The following SMTNL2 variants were observed in gnomAD, a reference collection of about 807,000 sequenced individuals.
The protein encoded by SMTNL2 is smoothelin like 2, also known as smoothelin-like protein 2.
SMTNL2 carries 43 observed loss-of-function variants against 44.1 expected under a neutral mutation model. The ratio of observed to expected loss-of-function variants is 0.98; its 90% CI spans 0.76 to 1.26. SMTNL2 has a LOEUF of 1.26. Ranked by LOEUF, SMTNL2 falls within the 50% of genes most tolerant of loss-of-function variation. SMTNL2 has a pLI of 0.00. For synonymous variants in SMTNL2, 317 were observed against 287.6 expected (o/e 1.10, Z -1.03); for missense variants, 646 against 670.2 (o/e 0.96, Z 0.40).
chr17:4,607,596 C>T lies in SMTNL2; in HGVS notation c.*109C>T, dbSNP rs79281963. 1.4e-3 allele frequency: 2,097 copies of T among 1,514,830 alleles called. 28 individuals are homozygous for T. The African/African-American group carries it at 0.026, about 19-fold the overall frequency. 93.8% of individuals were successfully genotyped at this position (1,514,830 alleles called of 1,614,324 possible). On this transcript the variant is annotated 3_prime_UTR_variant, in exon 8 of 8. Transcript: ENST00000389313. This position sits in a 1 kb window ranked among gnomAD's most constrained non-coding sequence, Gnocchi z 4.7. Reference sequence around the variant, plus strand: ...GGAGCCTTGCCGTTTGGTGTGAGCGCGCTGTTTGTTCTGTGGCATGTGACG... The same window carrying T: ...GGAGCCTTGCCGTTTGGTGTGAGCGTGCTGTTTGTTCTGTGGCATGTGACG...
At chr17:4,604,115 G>A (rs1303266246) in intron 7 of SMTNL2, among the ~76,000 whole-genome samples, 3 of 152,162 alleles carry the variant, frequency 2.0e-5, no homozygotes, top group Admixed American at 2.0e-4. Context: ...AAAATGTTGG[G>A]ATGACAGGCA....
Position 4,592,920 on chromosome 17 carries a change from A to G in SMTNL2, c.488-9A>G, listed in dbSNP as rs1325342217. 3 of 1,606,180 alleles carry G rather than the reference A, an allele frequency of 1.9e-6. No individual in the cohort carries two copies. The highest frequency in any genetic ancestry group is 1.1e-5 in the South Asian group (1 of 90,514). ...CTGACCACCCACCCATGCTGGTCAC[A>G]TGTTCCAGGTCCAGGCGATGGACCC... On this transcript the variant is annotated splice_polypyrimidine_tract_variant and intron_variant, in intron 2 of 7. Coordinates refer to ENST00000389313, the MANE Select transcript of SMTNL2 (RefSeq NM_001114974.2). This position sits in a 1 kb window ranked among gnomAD's most constrained non-coding sequence, Gnocchi z 4.5.
intron 4 of SMTNL2, among the ~76,000 whole-genome samples, chr17:4,594,710 CT>C (rs200675954): frequency 0.22 from 32,330 of 145,162 alleles, 4,317 homozygotes; most frequent in East Asian, 0.58. Context: ...GCAGGCTTGG[CT>C]TTTTTTTTTT....
chr17:4,594,137 C>T (rs111660082), intron 4 of SMTNL2, among the ~76,000 whole-genome samples: 2 of 151,996 alleles, frequency 1.3e-5, no homozygotes, highest in Admixed American at 6.6e-5. Context: ...CTTTGTGGGA[C>T]CTTCAAGTCA....
At chr17:4,584,440 C>T, upstream of SMTNL2, 1 of 678,898 alleles carries the variant, frequency 1.5e-6, no homozygotes, top group Non-Finnish European at 2.0e-6. Context: ...AGGGGGGTGT[C>T]CCGGAGTCGT....
rs1300417206 is a variant in SMTNL2 at position 4,598,254 on chromosome 17, T to C, written c.1259+931T>C. Among the ~76,000 whole-genome samples the C allele has an allele frequency of 3.3e-5, 5 of 152,088 alleles. No homozygotes were observed. Among genetic ancestry groups the C allele is most frequent in the Admixed American group, 6.5e-5 (1 of 15,280 alleles). On this transcript the variant is annotated intron_variant, in intron 7 of 7. Transcript: ENST00000389313. This position sits in a 1 kb window ranked among gnomAD's most constrained non-coding sequence, Gnocchi z 4.8. ...CCTCCTGCCTCACGCCAGGGCCTCA[T>C]GGTGACTGAACCCAATCTGAAGACA...
chr17:4,597,950 G>T (rs1172105733), intron 7 of SMTNL2, among the ~76,000 whole-genome samples: 1 of 152,192 alleles, frequency 6.6e-6, no homozygotes, highest in Non-Finnish European at 1.5e-5. Flanking sequence ...GCAAAGTCAG[G>T]TCTGTCTGCC....
rs1235783622 is a variant in SMTNL2 at position 4,595,993 on chromosome 17, G to A, written c.989+666G>A. 5.5e-5 allele frequency among the ~76,000 whole-genome samples: 7 copies of A among 126,758 alleles called. No homozygotes were observed. The highest frequency in any genetic ancestry group is 4.1e-4 in the East Asian group (2 of 4,862). The allele number at this position is 126,758 out of a possible 152,430, so 83.2% of individuals were successfully genotyped here. ...GCTGTGTGCAGGGTGTGGCCCACGC[G>A]TGGTATTGATGCCTGCTGTGTGCAG... On this transcript the variant is annotated intron_variant, in intron 5 of 7. Coordinates refer to ENST00000389313, the MANE Select transcript of SMTNL2 (RefSeq NM_001114974.2). This position sits in a 1 kb window ranked among gnomAD's most constrained non-coding sequence, Gnocchi z 5.1.
In SMTNL2 at chr17:4,607,739, G is replaced by C. The variant is rs1045031098; in HGVS notation, c.*252G>C. On this transcript the variant is annotated 3_prime_UTR_variant, in exon 8 of 8. Coordinates refer to ENST00000389313, the MANE Select transcript of SMTNL2 (RefSeq NM_001114974.2). This position sits in a 1 kb window ranked among gnomAD's most constrained non-coding sequence, Gnocchi z 4.7. ...AAGGAAAAATTATGAGAGAGAGAGAGACATTGGTGCTAAGTAATGATCTTC... is the reference window on the plus strand; with the variant it reads ...AAGGAAAAATTATGAGAGAGAGAGACACATTGGTGCTAAGTAATGATCTTC... The C allele has an allele frequency of 8.2e-4, 315 of 384,696 alleles. No individual in the cohort carries two copies. The highest frequency in any genetic ancestry group is 2.1e-3 in the Middle Eastern group (3 of 1,408). 23.8% of individuals were successfully genotyped at this position (384,696 alleles called of 1,614,324 possible).
rs1909980741 is a variant in SMTNL2, at chr17:4,600,366, G to A, written c.1259+3043G>A. Among the ~76,000 whole-genome samples, 1 of 152,172 alleles carries A rather than the reference G, an allele frequency of 6.6e-6. No individual in the cohort carries two copies. Among genetic ancestry groups the A allele is most frequent in the Non-Finnish European group, 1.5e-5 (1 of 68,022 alleles). On this transcript the variant is annotated intron_variant, in intron 7 of 7. Coordinates refer to ENST00000389313, the MANE Select transcript of SMTNL2 (RefSeq NM_001114974.2). The surrounding 1 kb of genome is among the most constrained non-coding windows in gnomAD (Gnocchi z 4.7). The stretch of plus-strand genomic sequence containing the variant: ...ACCACAGAGCTAAGAAAGGCAGCCT[G>A]GGGGCAGGCAGGGTGGGATGAGAGG...
chr17:4,584,721 A>G lies in SMTNL2; in HGVS notation c.116A>G (p.Gln39Arg). The G allele has an allele frequency of 7.7e-7, 1 of 1,304,326 alleles. No individual in the cohort carries two copies. Among genetic ancestry groups the G allele is most frequent in the Non-Finnish European group, 9.7e-7 (1 of 1,030,488 alleles). The allele number at this position is 1,304,326 out of a possible 1,614,324, so 80.8% of individuals were successfully genotyped here. Residue 39 changes from glutamine to arginine, a missense_variant, in exon 1 of 8, where the codon CAG becomes CGG. By Grantham distance (43) the Gln-to-Arg change is conservative. Coordinates refer to ENST00000389313, the MANE Select transcript of SMTNL2 (RefSeq NM_001114974.2). ...RALHEDMRGL[Q>R]RGVERRVAEA... is the part of the protein sequence containing the mutation. Reference sequence around the variant, plus strand: ...CTGCACGAGGACATGCGGGGGCTGCAGCGCGGCGTGGAGCGGCGAGTGGCA... The same window carrying G: ...CTGCACGAGGACATGCGGGGGCTGCGGCGCGGCGTGGAGCGGCGAGTGGCA...
Position 4,584,849 on chromosome 17 carries a change from G to A in SMTNL2, c.244G>A (p.Glu82Lys), listed in dbSNP as rs538272125. 4,011 of 1,326,582 alleles carry A rather than the reference G, an allele frequency of 3.0e-3. 11 individuals carry two copies. The highest frequency in any genetic ancestry group is 3.4e-3 in the Non-Finnish European group (3,505 of 1,039,090). The allele number at this position is 1,326,582 out of a possible 1,614,324, so 82.2% of individuals were successfully genotyped here. Residue 82 changes from glutamate to lysine, a missense_variant, in exon 1 of 8, where the codon GAG (glutamate) becomes AAG (lysine). By Grantham distance (56) the Glu-to-Lys change is moderately conservative (BLOSUM62 1). Coordinates refer to ENST00000389313, the MANE Select transcript of SMTNL2 (RefSeq NM_001114974.2). The stretch of plus-strand genomic sequence containing the variant: ...GCTCGAGCGCCTGACGCGCCAGGTG[G>A]AGGCGCTGGGCTTGGCCAGCGGGAT... ...AQLERLTRQV[E>K]ALGLASGMSP...
At position 4,593,849 on chromosome 17, in the gene SMTNL2, T is replaced by G; in HGVS notation, c.758T>G (p.Val253Gly). The change falls in exon 4 of 8, where the codon GTG (valine) becomes GGG (glycine). Residue 253 changes from valine to glycine, a missense_variant. Physicochemically the swap from Val to Gly is moderately radical, Grantham distance 109. Transcript: ENST00000389313. ...AAGAATTCCTCTTTCACGTGGTCTGTGCCAAGCTCTGGCTATGGGGCAGTG... is the reference window on the plus strand; with the variant it reads ...AAGAATTCCTCTTTCACGTGGTCTGGGCCAAGCTCTGGCTATGGGGCAGTG... ...SEKNSSFTWSVPSSGYGAVTA... is the reference protein window; with the variant it reads ...SEKNSSFTWSGPSSGYGAVTA... The G allele has an allele frequency of 6.2e-7, 1 of 1,614,044 alleles. No homozygotes were observed. The highest frequency in any genetic ancestry group is 1.3e-5 in the African/African-American group (1 of 75,052).
rs1026576022 is a variant in SMTNL2 at position 4,598,055 on chromosome 17, G to A, written c.1259+732G>A. Among the ~76,000 whole-genome samples the A allele has an allele frequency of 3.9e-5, 6 of 152,232 alleles. No homozygotes were observed. The South Asian group carries it at 6.2e-4, about 16-fold the overall frequency. On this transcript the variant is annotated intron_variant, in intron 7 of 7. Coordinates refer to ENST00000389313, the MANE Select transcript of SMTNL2 (RefSeq NM_001114974.2). This position sits in a 1 kb window ranked among gnomAD's most constrained non-coding sequence, Gnocchi z 4.8. ...CAAAGGCGTGGGCAGGAATGAGGTCGTGGGTCAGGCCTCATGCAGCAGCCT... is the reference window on the plus strand; with the variant it reads ...CAAAGGCGTGGGCAGGAATGAGGTCATGGGTCAGGCCTCATGCAGCAGCCT...
chr17:4,585,392 C>T (rs1412358769), intron 1 of SMTNL2, among the ~76,000 whole-genome samples: 1 of 152,264 alleles, frequency 6.6e-6, no homozygotes. Flanking sequence ...CCCCCACCCT[C>T]CATTCACGCT....
At chr17:4,586,666 A>G (rs1212550141) in intron 1 of SMTNL2, among the ~76,000 whole-genome samples, 1 of 152,178 alleles carries the variant, frequency 6.6e-6, no homozygotes, top group Admixed American at 6.5e-5. Context: ...GTGTCTGGCA[A>G]GCCCTCTTCG....
At chr17:4,585,970 A>G (rs1030945947) in intron 1 of SMTNL2, among the ~76,000 whole-genome samples, 4 of 152,158 alleles carry the variant, frequency 2.6e-5, no homozygotes, top group Admixed American at 1.3e-4. Context: ...TTGGGCAGCC[A>G]GAGATGTTTT....
rs762916174 is a variant in SMTNL2, at chr17:4,593,034, C to T, written c.593C>T (p.Thr198Met). The T allele has an allele frequency of 1.2e-4, 187 of 1,613,934 alleles. 2 individuals carry two copies. Among genetic ancestry groups the T allele is most frequent in the African/African-American group, 9.3e-5 (7 of 74,944 alleles). The change falls in exon 3 of 8, where the codon ACG (threonine) becomes ATG (methionine). Residue 198 changes from threonine to methionine, a missense_variant. Coordinates refer to ENST00000389313, the MANE Select transcript of SMTNL2 (RefSeq NM_001114974.2). The stretch of plus-strand genomic sequence containing the variant: ...TTGCGGCTGCCCCACCAGCCAGTCA[C>T]GGCCATCACCCGAGTCTCTGACAGG... ...LSLRLPHQPVTAITRVSDRFS... is the reference protein window; with the variant it reads ...LSLRLPHQPVMAITRVSDRFS...
At position 4,595,251 on chromosome 17, in the gene SMTNL2, A is replaced by G. The variant is rs1909759264; in HGVS notation, c.913A>G (p.Thr305Ala). The change falls in exon 5 of 8, where the codon ACG becomes GCG. Residue 305 changes from threonine to alanine, a missense_variant. Thr to Ala is a moderately conservative substitution (Grantham distance 58, BLOSUM62 0). Transcript: ENST00000389313. The surrounding 1 kb of genome is among the most constrained non-coding windows in gnomAD (Gnocchi z 5.1). The part of the protein sequence containing the change: ...ERRRELVRSQ[T>A]LPRTSEAQAR... ...TCGCAGGGAGCTGGTGAGGTCGCAG[A>G]CGCTGCCCCGCACCTCGGAGGCGCA... The G allele has an allele frequency of 6.2e-7, 1 of 1,613,228 alleles. No individual in the cohort carries two copies. The highest frequency in any genetic ancestry group is 8.5e-7 in the Non-Finnish European group (1 of 1,179,970).
Sources: allele counts gnomAD v4.1 joint callset (sites outside exome capture counted in the v4.1 genomes callset), GRCh38; gene constraint gnomAD v4.1.1; non-coding constraint Gnocchi (gnomAD v3.1); transcripts MANE v1.5; gene names NCBI Gene and HGNC (gene_info 2026-07-23, HGNC 2026-07-21).